EPG5: variants seen among roughly 807,000 people sequenced by gnomAD.
EPG5 encodes the protein ectopic P granules protein 5 homolog.
EPG5 carries 159 observed loss-of-function variants against 302.7 expected under a neutral mutation model. The ratio of observed to expected loss-of-function variants is 0.53; its 90% confidence interval spans 0.46 to 0.60. The LOEUF is 0.60. Among genes scored for constraint, EPG5 ranks in the 20% least tolerant of loss-of-function variants. EPG5 has a pLI of 0.00. For synonymous variants in EPG5, 1,158 were observed against 1,136.8 expected (o/e 1.02, Z -0.37); for missense variants, 2,896 against 3,092.4 (o/e 0.94, Z 1.51).
chr18:45,824,638 C>T, the EPG5 span, among the ~76,000 whole-genome samples: 1 of 152,188 alleles, frequency 6.6e-6, no homozygotes, highest in African/African-American at 2.4e-5. Flanking sequence ...AGGGATACAG[C>T]CTGAGCCAAG....
chr18:45,900,112 T>C (rs1462112022), intron 26 of EPG5, among the ~76,000 whole-genome samples: 2 of 152,046 alleles, frequency 1.3e-5, no homozygotes, highest in East Asian at 1.9e-4. Flanking sequence ...TGATAAGAAA[T>C]TGATTCATGG....
At chr18:45,916,610 T>C in intron 17 of EPG5, 28 bp from the exon 18 acceptor site, 1 of 1,571,162 alleles carries the variant, frequency 6.4e-7, no homozygotes, top group Non-Finnish European at 8.7e-7. Flanking sequence ...GGACGCACTT[T>C]ACCTTCCGAT....
rs139911104 is a variant in EPG5, at chr18:45,908,693, A to G, written c.4206-612T>C. Reference sequence around the variant, plus strand: ...TGGCTGGGCGCAGTGGCTCATGCCTATAATTCCAGTACTTTGGAAGGCCAA... The same window carrying G: ...TGGCTGGGCGCAGTGGCTCATGCCTGTAATTCCAGTACTTTGGAAGGCCAA... On this transcript the variant is annotated intron_variant, in intron 23 of 43. Transcript: ENST00000282041. Among the ~76,000 whole-genome samples the G allele has an allele frequency of 3.7e-3, 563 of 152,328 alleles. 3 individuals carry two copies. Among genetic ancestry groups the G allele is most frequent in the Non-Finnish European group, 6.0e-3 (407 of 68,028 alleles).
At chr18:45,923,119 CA>C (rs2050193340) in intron 15 of EPG5, 148 bp downstream of exon 15, 2 of 829,842 alleles carry the variant, frequency 2.4e-6, no homozygotes, top group Non-Finnish European at 3.6e-6. Context: ...GAATCTTTAT[CA>C]AACCATAGAA....
intron 3 of EPG5, among the ~76,000 whole-genome samples, chr18:45,952,045 T>C (rs572959498): frequency 2.0e-5 from 3 of 152,022 alleles, no homozygotes; most frequent in African/African-American, 7.2e-5. Context: ...CCACAAGAGA[T>C]AAAGGGTGAA....
intron 24 of EPG5, among the ~76,000 whole-genome samples, chr18:45,906,345 T>C (rs568324528): frequency 1.1e-4 from 17 of 152,336 alleles, no homozygotes; most frequent in African/African-American, 3.8e-4. Flanking sequence ...AAAGTATACA[T>C]GGCCCTTAGG....
At chr18:45,834,533 G>T in the EPG5 span, among the ~76,000 whole-genome samples, 64 of 152,342 alleles carry the variant, frequency 4.2e-4, 1 homozygote, top group Admixed American at 1.4e-3. Context: ...GGAGGAGCTG[G>T]TGAGTGACAT....
At chr18:45,861,693 C>A (rs577413249) in intron 39 of EPG5, among the ~76,000 whole-genome samples, 2 of 152,346 alleles carry the variant, frequency 1.3e-5, no homozygotes, top group Admixed American at 1.3e-4. Flanking sequence ...TCAATACTTA[C>A]AATATCTACA....
At chr18:45,931,739 G>T (rs568247166) in intron 11 of EPG5, among the ~76,000 whole-genome samples, 1 of 152,060 alleles carries the variant, frequency 6.6e-6, no homozygotes, top group African/African-American at 2.4e-5. Context: ...GGAGACTGAC[G>T]CAGGAGAATC....
intron 11 of EPG5, 127 bp from the exon 12 acceptor site, chr18:45,930,957 A>ATT (rs1255952400): frequency 1.7e-5 from 15 of 883,422 alleles, no homozygotes; most frequent in Non-Finnish European, 2.4e-5. Context: ...TCCAAAATAG[A>ATT]TTTCTACAGG....
chr18:45,815,265 T>C, the EPG5 span, among the ~76,000 whole-genome samples: 1 of 152,216 alleles, frequency 6.6e-6, no homozygotes, highest in South Asian at 2.1e-4. Flanking sequence ...ATTGTTTTCT[T>C]CTTTCTTTTG....
chr18:45,865,818 C>A, intron 38 of EPG5, 59 bp from the exon 39 acceptor site: 1 of 1,551,060 alleles, frequency 6.4e-7, no homozygotes, highest in Admixed American at 1.8e-5. Context: ...GTGTTAACTG[C>A]ATATTTCCTG....
chr18:45,900,754 A>C (rs1417775172), intron 26 of EPG5, among the ~76,000 whole-genome samples: 3 of 152,234 alleles, frequency 2.0e-5, no homozygotes, highest in Admixed American at 6.5e-5. Flanking sequence ...GGCACTGCTG[A>C]TGCTCAGAAA....
intron 27 of EPG5, among the ~76,000 whole-genome samples, chr18:45,891,493 C>T (rs1051830799): frequency 6.8e-5 from 9 of 132,108 alleles, no homozygotes; most frequent in Admixed American, 2.3e-4. Context: ...CGTGAGACTC[C>T]GTCTCAAAAA....
At chr18:45,961,473 G>A (rs1239121518) in intron 1 of EPG5, among the ~76,000 whole-genome samples, 1 of 152,096 alleles carries the variant, frequency 6.6e-6, no homozygotes. Flanking sequence ...GCCTTTTCCT[G>A]GCTAGTCCCT....
the EPG5 span, among the ~76,000 whole-genome samples, chr18:45,841,685 C>T: frequency 2.6e-5 from 4 of 152,208 alleles, no homozygotes; most frequent in African/African-American, 7.2e-5. Context: ...CCCTGGGTCC[C>T]ACTTCCTGAG....
intron 1 of EPG5, among the ~76,000 whole-genome samples, chr18:45,962,773 T>C (rs908938883): frequency 1.2e-4 from 19 of 152,308 alleles, no homozygotes; most frequent in African/African-American, 3.6e-4. Context: ...TGCCAAATTA[T>C]ACTATAGATG....
chr18:45,822,305 T>C, the EPG5 span, among the ~76,000 whole-genome samples: 2 of 152,204 alleles, frequency 1.3e-5, no homozygotes, highest in Non-Finnish European at 2.9e-5. Context: ...AGTTAAATAC[T>C]GCATATTCTC....
At chr18:45,843,852 C>G (rs1488824105), downstream of EPG5, 1 of 152,150 alleles carries the variant, frequency 6.6e-6, no homozygotes, top group Non-Finnish European at 1.5e-5. Context: ...GTCCTCCAGC[C>G]TGGGCAACAG....
Sources: allele counts gnomAD v4.1 joint callset (sites outside exome capture counted in the v4.1 genomes callset), GRCh38; gene constraint gnomAD v4.1.1; transcripts MANE v1.5; gene names NCBI Gene and HGNC (gene_info 2026-07-23, HGNC 2026-07-21).